The following APBA2 variants were observed in gnomAD, a reference collection of about 807,000 sequenced individuals.
APBA2 encodes the protein amyloid beta precursor protein binding family A member 2, also known as amyloid-beta A4 precursor protein-binding family A member 2.
APBA2 carries 30 observed loss-of-function variants against 75.0 expected under a neutral mutation model. That is an observed-to-expected ratio of 0.40 (90% CI 0.30 to 0.54). APBA2 has a LOEUF of 0.54. Ranked by LOEUF, APBA2 falls within the 20% of genes least tolerant of loss-of-function variation. The pLI, the probability that APBA2 is intolerant of heterozygous loss-of-function variation, is 0.49. For missense variants in APBA2, 801 were observed against 1,016.1 expected (o/e 0.79, Z 2.88); for synonymous variants, 444 against 409.6 (o/e 1.08, Z -1.01).
rs1211882836 is a variant in APBA2 at position 29,118,199 on chromosome 15, C to G, written c.*1066C>G. The G allele has an allele frequency of 6.6e-6, 1 of 152,642 alleles. No individual in the cohort carries two copies. The highest frequency in any genetic ancestry group is 1.5e-5 in the Non-Finnish European group (1 of 68,048). 9.5% of individuals were successfully genotyped at this position (152,642 alleles called of 1,614,324 possible). On this transcript the variant is annotated 3_prime_UTR_variant, in exon 15 of 15. Coordinates refer to ENST00000683413, the MANE Select transcript of APBA2 (RefSeq NM_001353788.2). ...ATACACTGTGACTTAAGAAGCCTTA[C>G]CACGCAGTAACTAAAGCTTTAGGAT...
At chr15:29,116,359 G>T (rs143645610) in intron 14 of APBA2, among the ~76,000 whole-genome samples, 4,746 of 152,108 alleles carry the variant, frequency 0.031, 261 homozygotes, top group African/African-American at 0.11. Context: ...GGGCGCGGTG[G>T]CTCAGGCCTG....
chr15:29,074,953 G>A lies in APBA2; in HGVS notation c.984G>A (p.Gln328=). The change falls in exon 5 of 15, where the codon CAG becomes CAA. Residue 328 remains glutamine (Q), a synonymous_variant. Transcript: ENST00000683413. ...ATGGTCTGGAGCAGCCAAGGAAGCA[G>A]CAGCGCTCTGATCTCAATGGACCTG... ...VCNGLEQPRK[Q]QRSDLNGPVD... The A allele has an allele frequency of 6.2e-7, 1 of 1,614,156 alleles. No individual in the cohort carries two copies. Among genetic ancestry groups the A allele is most frequent in the Non-Finnish European group, 8.5e-7 (1 of 1,180,018 alleles).
chr15:29,098,845 G>A (rs556104737), intron 9 of APBA2, among the ~76,000 whole-genome samples: 1 of 152,140 alleles, frequency 6.6e-6, no homozygotes, highest in African/African-American at 2.4e-5. Flanking sequence ...CCACTCCCGG[G>A]TAGCCTGACC....
chr15:29,095,414 G>A (rs2043803792), intron 8 of APBA2, among the ~76,000 whole-genome samples: 2 of 138,640 alleles, frequency 1.4e-5, no homozygotes, highest in East Asian at 2.2e-4. Context: ...TGGGCAACAC[G>A]AGCGAAACTC....
chr15:28,950,646 A>C (rs973863251), intron 2 of APBA2, among the ~76,000 whole-genome samples: 5 of 151,336 alleles, frequency 3.3e-5, no homozygotes, highest in African/African-American at 4.9e-5. Flanking sequence ...AAAAGAAAGC[A>C]AAAAAAGATT....
At chr15:28,982,682 G>T (rs2037687209) in intron 2 of APBA2, among the ~76,000 whole-genome samples, 1 of 152,232 alleles carries the variant, frequency 6.6e-6, no homozygotes, top group South Asian at 2.1e-4. Flanking sequence ...GGATGGACCT[G>T]AAGAAAATAA....
intron 3 of APBA2, among the ~76,000 whole-genome samples, chr15:29,052,051 T>A (rs1483412063): frequency 6.6e-6 from 1 of 152,212 alleles, no homozygotes; most frequent in African/African-American, 2.4e-5. Flanking sequence ...ACTGGACTAC[T>A]GGAATATGTT....
chr15:29,048,439 A>G (rs932687476), intron 3 of APBA2, among the ~76,000 whole-genome samples: 2 of 152,184 alleles, frequency 1.3e-5, no homozygotes, highest in Non-Finnish European at 2.9e-5. Context: ...GGAACCACTA[A>G]CTCTTAAGTT....
At chr15:29,101,514 G>A in intron 9 of APBA2, 85 bp from the exon 10 acceptor site, 2 of 1,475,560 alleles carry the variant, frequency 1.4e-6, no homozygotes, top group Non-Finnish European at 1.8e-6. Context: ...TTACAGGCTT[G>A]AGCCACCATG....
At chr15:28,946,441 T>C (rs532448534) in intron 2 of APBA2, among the ~76,000 whole-genome samples, 5 of 152,312 alleles carry the variant, frequency 3.3e-5, no homozygotes, top group Admixed American at 1.3e-4. Flanking sequence ...AGCCAAGGAA[T>C]GCAGGTGGCT....
intron 2 of APBA2, among the ~76,000 whole-genome samples, chr15:28,989,084 T>A (rs112148219): frequency 1.5e-4 from 23 of 152,228 alleles, no homozygotes; most frequent in African/African-American, 5.3e-4. Flanking sequence ...ACATATATAT[T>A]TTTTCATATA....
intron 2 of APBA2, among the ~76,000 whole-genome samples, chr15:28,979,177 G>A (rs759824235): frequency 4.6e-5 from 7 of 152,088 alleles, no homozygotes; most frequent in Non-Finnish European, 1.0e-4. Flanking sequence ...GCTGGGCCTC[G>A]GGCTCCCCTC....
chr15:29,006,757 C>T (rs1384946482), intron 3 of APBA2, among the ~76,000 whole-genome samples: 1 of 152,200 alleles, frequency 6.6e-6, no homozygotes, highest in Non-Finnish European at 1.5e-5. Context: ...TTATCGCTAC[C>T]TGGCCCCACC....
chr15:29,098,617 T>G, intron 9 of APBA2, 41 bp downstream of exon 9: 9 of 1,486,366 alleles, frequency 6.1e-6, no homozygotes, highest in Non-Finnish European at 7.5e-6. Flanking sequence ...GGTAAACTCC[T>G]AAGTTCGACT....
At chr15:28,969,916 C>T (rs560372626) in intron 2 of APBA2, among the ~76,000 whole-genome samples, 16 of 152,380 alleles carry the variant, frequency 1.1e-4, no homozygotes, top group African/African-American at 3.4e-4. Context: ...GCTCACAGGC[C>T]AGGCCGGGCG....
chr15:29,104,847 G>A (rs1204436135), intron 10 of APBA2, among the ~76,000 whole-genome samples: 1 of 152,194 alleles, frequency 6.6e-6, no homozygotes, highest in Non-Finnish European at 1.5e-5. Context: ...AGTTTGGGAG[G>A]CCAAGGCAGG....
intron 3 of APBA2, among the ~76,000 whole-genome samples, chr15:29,034,517 C>T (rs2040646816): frequency 2.0e-5 from 3 of 152,150 alleles, no homozygotes; most frequent in African/African-American, 7.2e-5. Context: ...CTTGGGGTTC[C>T]TTTAGATTTC....
intron 1 of APBA2, among the ~76,000 whole-genome samples, chr15:28,901,274 T>A (rs921886905): frequency 2.6e-5 from 4 of 152,126 alleles, no homozygotes; most frequent in African/African-American, 9.7e-5. Context: ...GTGGGCCTGG[T>A]GGTGCTGCCC....
chr15:29,030,863 T>C (rs1462360620), intron 3 of APBA2, among the ~76,000 whole-genome samples: 1 of 152,178 alleles, frequency 6.6e-6, no homozygotes, highest in African/African-American at 2.4e-5. Flanking sequence ...CTGGTTAATT[T>C]GATTTTAATC....
Sources: allele counts gnomAD v4.1 joint callset (sites outside exome capture counted in the v4.1 genomes callset), GRCh38; gene constraint gnomAD v4.1.1; transcripts MANE v1.5; gene names NCBI Gene and HGNC (gene_info 2026-07-23, HGNC 2026-07-21).